Variants in ZNF536 observed in about 807,000 individuals in gnomAD.
ZNF536 encodes zinc finger protein 536.
In ZNF536, 13 loss-of-function variants were observed where a neutral mutation model predicts 84.5. The observed-to-expected ratio is 0.15, with a 90% CI of 0.10 to 0.24. The LOEUF is 0.24. Among genes scored for constraint, ZNF536 ranks in the 10% least tolerant of loss-of-function variants. ZNF536 has a pLI of 1.00. For missense variants in ZNF536, 1,536 were observed against 1,747.5 expected, an observed-to-expected ratio of 0.88 and a Z score of 2.16; for synonymous variants, 811 against 742.5, an observed-to-expected ratio of 1.09 and a Z score of -1.50.
chr19:30,284,699 T>C (rs1324213110), intron 2 of ZNF536, among the ~76,000 whole-genome samples: 1 of 152,224 alleles, frequency 6.6e-6, no homozygotes, highest in Non-Finnish European at 1.5e-5. Context: ...TTTGATATCT[T>C]TGGTGGCCTC....
At chr19:30,432,842 G>A (rs918174868) in intron 1 of ZNF536, among the ~76,000 whole-genome samples, 5 of 152,164 alleles carry the variant, frequency 3.3e-5, no homozygotes, top group Non-Finnish European at 7.3e-5. Flanking sequence ...CACCCCTATA[G>A]TTGGTGGCTG....
intron 1 of ZNF536, among the ~76,000 whole-genome samples, chr19:30,636,969 G>A (rs541712594): frequency 3.4e-4 from 52 of 152,278 alleles, no homozygotes; most frequent in African/African-American, 1.0e-3. Flanking sequence ...ATCCTTTCTG[G>A]AGTTCTTTGG....
intron 2 of ZNF536, among the ~76,000 whole-genome samples, chr19:30,307,744 C>A (rs371485470): frequency 6.6e-6 from 1 of 152,156 alleles, no homozygotes; most frequent in Non-Finnish European, 1.5e-5. Context: ...GTAAAACCGG[C>A]GACAATGATT....
intron 1 of ZNF536, among the ~76,000 whole-genome samples, chr19:30,588,448 G>A (rs2047170030): frequency 6.6e-6 from 1 of 152,192 alleles, no homozygotes; most frequent in Admixed American, 6.5e-5. Flanking sequence ...CCAGCCAATG[G>A]GGAGAAGCAA....
intron 2 of ZNF536, among the ~76,000 whole-genome samples, chr19:30,452,861 C>T (rs1600797926): frequency 1.3e-5 from 2 of 152,048 alleles, no homozygotes. Context: ...CTGTCGGCAT[C>T]TGATGGGTGC....
chr19:30,700,069 CCTT>C (rs780119932), intron 1 of ZNF536, among the ~76,000 whole-genome samples: 2 of 150,258 alleles, frequency 1.3e-5, no homozygotes, highest in Non-Finnish European at 3.0e-5. Flanking sequence ...CCGCCTCCCT[CCTT>C]CTCTCTCCCT....
At chr19:30,505,868 G>T (rs1189154010) in intron 2 of ZNF536, among the ~76,000 whole-genome samples, 1 of 152,002 alleles carries the variant, frequency 6.6e-6, no homozygotes, top group Non-Finnish European at 1.5e-5. Flanking sequence ...GTTTTGCCAC[G>T]TTGGTCAGGC....
chr19:30,419,598 C>T (rs967053972), intron 1 of ZNF536, among the ~76,000 whole-genome samples: 14 of 152,228 alleles, frequency 9.2e-5, no homozygotes, highest in African/African-American at 2.9e-4. Flanking sequence ...AATGTTGCTT[C>T]GCTATTTTAA....
intron 2 of ZNF536, among the ~76,000 whole-genome samples, chr19:30,461,508 C>T (rs1227849523): frequency 6.6e-6 from 1 of 152,110 alleles, no homozygotes; most frequent in Non-Finnish European, 1.5e-5. Context: ...TCTGATGGGA[C>T]CCCCCTGAGC....
intron 2 of ZNF536, among the ~76,000 whole-genome samples, chr19:30,481,783 G>A (rs1168507546): frequency 6.6e-6 from 1 of 152,074 alleles, no homozygotes; most frequent in Non-Finnish European, 1.5e-5. Context: ...CCCCAGCAGT[G>A]TACACTGTAT....
At chr19:30,295,636 A>T (rs1219877209) in intron 2 of ZNF536, among the ~76,000 whole-genome samples, 4 of 152,098 alleles carry the variant, frequency 2.6e-5, no homozygotes, top group African/African-American at 4.8e-5. Flanking sequence ...AGGGAGTGGG[A>T]GCTGGGGGCT....
intron 1 of ZNF536, among the ~76,000 whole-genome samples, chr19:30,599,626 G>A (rs2047611327): frequency 6.6e-6 from 1 of 151,842 alleles, no homozygotes; most frequent in South Asian, 2.1e-4. Flanking sequence ...GCTCAGACTT[G>A]TGTCACTGGC....
chr19:30,635,544 C>G (rs1451034827), intron 1 of ZNF536, among the ~76,000 whole-genome samples: 1 of 152,124 alleles, frequency 6.6e-6, no homozygotes, highest in Non-Finnish European at 1.5e-5. Context: ...GGCACTCTGG[C>G]CAGGAGCAAG....
chr19:30,681,507 C>T (rs898070626), intron 1 of ZNF536, among the ~76,000 whole-genome samples: 3 of 152,128 alleles, frequency 2.0e-5, no homozygotes, highest in African/African-American at 7.2e-5. Context: ...CCGCATGAAG[C>T]GCAGGAAGTC....
chr19:30,261,708 A>G (rs887728987), intron 1 of ZNF536, among the ~76,000 whole-genome samples: 19 of 152,000 alleles, frequency 1.3e-4, no homozygotes, highest in Non-Finnish European at 2.4e-4. Flanking sequence ...AAAAAAAAAA[A>G]AAAAAAAAAG....
chr19:30,319,493 C>G (rs1034349203), intron 2 of ZNF536, among the ~76,000 whole-genome samples: 1 of 152,128 alleles, frequency 6.6e-6, no homozygotes, highest in African/African-American at 2.4e-5. Context: ...TTGTGATTAG[C>G]CAGCCCTTGC....
chr19:30,622,859 C>T (rs939188219), intron 1 of ZNF536, among the ~76,000 whole-genome samples: 1 of 152,028 alleles, frequency 6.6e-6, no homozygotes, highest in Non-Finnish European at 1.5e-5. Flanking sequence ...CCCCAAATAC[C>T]TCACTTCCCT....
chr19:30,334,400 G>T (rs1337049507), intron 2 of ZNF536, among the ~76,000 whole-genome samples: 1 of 152,176 alleles, frequency 6.6e-6, no homozygotes, highest in African/African-American at 2.4e-5. Context: ...GAATTCCTGT[G>T]TGGCAGGTGA....
At chr19:30,517,229 C>T (rs2044117280) in intron 2 of ZNF536, among the ~76,000 whole-genome samples, 1 of 152,194 alleles carries the variant, frequency 6.6e-6, no homozygotes, top group East Asian at 1.9e-4. Flanking sequence ...ACCCCACAAT[C>T]ATCACTGGCT....
Sources: allele counts gnomAD v4.1 joint callset (sites outside exome capture counted in the v4.1 genomes callset), GRCh38; gene constraint gnomAD v4.1.1; transcripts MANE v1.5; gene names NCBI Gene and HGNC (gene_info 2026-07-23, HGNC 2026-07-21).